The following PACC1 variants were observed in gnomAD, a reference collection of about 807,000 sequenced individuals.
PACC1 encodes the protein proton-activated chloride channel.
Under a neutral mutation model 39.7 loss-of-function variants are expected in PACC1, and 34 were observed. That is an observed-to-expected ratio of 0.86 (90% confidence interval 0.65 to 1.14). The LOEUF (loss-of-function observed/expected upper bound fraction) is 1.14, where lower values mean the gene tolerates loss of function less well. Ranked by LOEUF, PACC1 falls within the 50% of genes most tolerant of loss-of-function variation. PACC1 has a pLI of 0.00. For synonymous variants in PACC1, 127 were observed against 160.6 expected (o/e 0.79, Z 1.58); for missense variants, 379 against 436.4 (o/e 0.87, Z 1.17).
intron 7 of PACC1, among the ~76,000 whole-genome samples, chr1:212,371,255 AAAAAGAAAG>A (rs1169717089): frequency 6.2e-5 from 9 of 144,356 alleles, no homozygotes; most frequent in African/African-American, 2.6e-4. Context: ...AAAAAAAAAA[AAAAAGAAAG>A]AAAAGTTAGT....
intron 2 of PACC1, among the ~76,000 whole-genome samples, chr1:212,406,521 AAAG>A (rs1033570222): frequency 6.6e-6 from 1 of 152,190 alleles, no homozygotes; most frequent in African/African-American, 2.4e-5. Flanking sequence ...CTCAAAAAAA[AAAG>A]AAGAGTCAGA....
At chr1:212,367,047 TC>T (rs1660271336) in intron 7 of PACC1, among the ~76,000 whole-genome samples, 1 of 152,214 alleles carries the variant, frequency 6.6e-6, no homozygotes, top group African/African-American at 2.4e-5. Flanking sequence ...TCTTAAATGT[TC>T]CTTTAGCAAA....
intron 7 of PACC1, among the ~76,000 whole-genome samples, chr1:212,367,951 G>GCT (rs1294612213): frequency 1.3e-5 from 2 of 152,214 alleles, no homozygotes; most frequent in East Asian, 3.9e-4. Flanking sequence ...TGGTTTAGGA[G>GCT]GGACCCAGGG....
intron 2 of PACC1, among the ~76,000 whole-genome samples, chr1:212,400,324 C>A (rs1054717286): frequency 6.6e-6 from 1 of 152,212 alleles, no homozygotes; most frequent in African/African-American, 2.4e-5. Flanking sequence ...GTTCTCCCTA[C>A]ATGTTCCTGA....
intron 2 of PACC1, among the ~76,000 whole-genome samples, chr1:212,409,683 G>A (rs1662051138): frequency 6.6e-6 from 1 of 152,170 alleles, no homozygotes; most frequent in Non-Finnish European, 1.5e-5. Context: ...GGAGATCCAA[G>A]CAGAACTATG....
chr1:212,385,197 A>T (rs1004476585), intron 4 of PACC1, 77 bp downstream of exon 4: 10 of 1,569,666 alleles, frequency 6.4e-6, no homozygotes, highest in Non-Finnish European at 7.0e-6. Context: ...ACTCCTAGGA[A>T]AAAGGAAACT....
rs1571650784 is a variant in PACC1, at chr1:212,385,438, A to G, written c.344-13T>C. 5.6e-6 allele frequency: 9 copies of G among 1,613,978 alleles called. No homozygotes were observed. In the East Asian group the frequency reaches 1.8e-4, roughly 32 times the overall value. On this transcript the variant is annotated splice_polypyrimidine_tract_variant and intron_variant, in intron 3 of 7. Transcript: ENST00000261455. ...TACAAGGCAATACCTGGGGGCACAA[A>G]CAGGAAAAGCAAGTGTCAGAAATCA...
chr1:212,387,412 A>G (rs897316375), intron 2 of PACC1, among the ~76,000 whole-genome samples: 3 of 152,314 alleles, frequency 2.0e-5, no homozygotes, highest in East Asian at 1.9e-4. Flanking sequence ...AAAACAAACA[A>G]AAAGAACAGA....
chr1:212,376,996 G>C (rs1660688916), intron 6 of PACC1: 1 of 152,264 alleles, frequency 6.6e-6, no homozygotes, highest in African/African-American at 2.4e-5. Flanking sequence ...GACAATAATA[G>C]TATGTTATAT....
At chr1:212,396,841 TATCTATCTATTA>T (rs1402390078) in intron 2 of PACC1, among the ~76,000 whole-genome samples, 4 of 126,956 alleles carry the variant, frequency 3.2e-5, no homozygotes, top group East Asian at 2.3e-4. Flanking sequence ...TCTATCTATC[TATCTATCTATTA>T]CATATAGAGC....
Position 212,414,840 on chromosome 1 carries a change from C to G in PACC1, c.-83G>C, listed in dbSNP as rs1310160167. On this transcript the variant is annotated 5_prime_UTR_variant, in exon 1 of 8. Transcript: ENST00000261455. Reference sequence around the variant, plus strand: ...CAGCACTGCGGCCGCTGCACCTGGACCTACCGGCTCCGCGAGGCGAAACCG... The same window carrying G: ...CAGCACTGCGGCCGCTGCACCTGGAGCTACCGGCTCCGCGAGGCGAAACCG... 8 of 1,567,690 alleles carry G rather than the reference C, an allele frequency of 5.1e-6. No homozygotes were observed. The highest frequency in any genetic ancestry group is 5.2e-6 in the Non-Finnish European group (6 of 1,145,112).
At position 212,386,436 on chromosome 1, in the gene PACC1, T is replaced by C. The variant is rs1371376370; in HGVS notation, c.343+455A>G. ...CCAGGCAGGGTTGAATGGCCTCGCC[T>C]CCCCTGCCATCCTCCCCACCCCACA... On this transcript the variant is annotated intron_variant, in intron 3 of 7. Coordinates refer to ENST00000261455, the MANE Select transcript of PACC1 (RefSeq NM_018252.3). This position sits in a 1 kb window ranked among gnomAD's most constrained non-coding sequence, Gnocchi z 5.0. Among the ~76,000 whole-genome samples the C allele has an allele frequency of 6.6e-6, 1 of 151,832 alleles. No homozygotes were observed. Among genetic ancestry groups the C allele is most frequent in the African/African-American group, 2.4e-5 (1 of 41,310 alleles).
intron 7 of PACC1, among the ~76,000 whole-genome samples, chr1:212,373,325 C>T (rs1265120913): frequency 6.6e-6 from 1 of 150,772 alleles, no homozygotes; most frequent in Non-Finnish European, 1.5e-5. Flanking sequence ...GAAACTAGAC[C>T]CCTATCTCTT....
intron 2 of PACC1, among the ~76,000 whole-genome samples, chr1:212,405,953 G>A (rs1661894706): frequency 6.6e-6 from 1 of 150,710 alleles, no homozygotes; most frequent in Admixed American, 6.6e-5. Flanking sequence ...ACCAGCCTGG[G>A]CAACACTGCA....
At chr1:212,373,250 T>C (rs996584471) in intron 7 of PACC1, among the ~76,000 whole-genome samples, 3 of 152,072 alleles carry the variant, frequency 2.0e-5, no homozygotes, top group South Asian at 2.1e-4. Context: ...GAAAATACAA[T>C]TGGGAAAGGA....
At chr1:212,410,094 G>A in intron 2 of PACC1, 1 of 291,858 alleles carries the variant, frequency 3.4e-6, no homozygotes, top group South Asian at 4.4e-5. Flanking sequence ...GGGCCTATTA[G>A]ATCTTCTTTG....
rs577787447 is a variant in PACC1, at chr1:212,387,034, G to A, written c.200C>T (p.Ser67Leu). ...FSKACLKNVF[S>L]VLLIFIYLLL... ...CAGGTAGATGAAGATGAGTAGGACC[G>A]AGAAGACGTTCTTCAGGCAGGCCTT... Residue 67 changes from serine to leucine, a missense_variant, in exon 3 of 8, where the codon TCG becomes TTG. By Grantham distance (145) the Ser-to-Leu change is moderately radical. Transcript: ENST00000261455. The A allele has an allele frequency of 2.2e-5, 35 of 1,614,230 alleles. No individual in the cohort carries two copies. The highest frequency in any genetic ancestry group is 2.5e-5 in the Non-Finnish European group (29 of 1,180,048).
At chr1:212,385,557 G>T in intron 3 of PACC1, 132 bp from the exon 4 acceptor site, 1 of 938,440 alleles carries the variant, frequency 1.1e-6, no homozygotes. Context: ...GAAGAAAAGG[G>T]TTTCAGAGGG....
At chr1:212,401,083 A>G (rs1257133765) in intron 2 of PACC1, among the ~76,000 whole-genome samples, 1 of 152,120 alleles carries the variant, frequency 6.6e-6, no homozygotes, top group Non-Finnish European at 1.5e-5. Flanking sequence ...TATAATTTAC[A>G]TACCATACAA....
Sources: allele counts gnomAD v4.1 joint callset (sites outside exome capture counted in the v4.1 genomes callset), GRCh38; gene constraint gnomAD v4.1.1; non-coding constraint Gnocchi (gnomAD v3.1); transcripts MANE v1.5; gene names NCBI Gene and HGNC (gene_info 2026-07-23, HGNC 2026-07-21).